The following SYNPR variants were observed in gnomAD, a reference collection of about 807,000 sequenced individuals.
SYNPR encodes the protein synaptoporin.
SYNPR carries 23 observed loss-of-function variants against 32.9 expected under a neutral mutation model. The observed-to-expected ratio is 0.70, with a 90% CI of 0.50 to 0.99. SYNPR has a LOEUF of 0.99. Ranked by LOEUF, SYNPR falls within the 50% of genes least tolerant of loss-of-function variation. The pLI, the probability that SYNPR is intolerant of heterozygous loss-of-function variation, is 0.00. For missense variants in SYNPR, 318 were observed against 349.3 expected, an observed-to-expected ratio of 0.91 and a Z score of 0.71; for synonymous variants, 146 against 135.9, an observed-to-expected ratio of 1.07 and a Z score of -0.52.
At chr3:63,255,003 C>T (rs2086369834) in intron 2 of SYNPR, among the ~76,000 whole-genome samples, 2 of 152,092 alleles carry the variant, frequency 1.3e-5, no homozygotes, top group Admixed American at 1.3e-4. Context: ...TGATCTTGGA[C>T]TTGCAGCCTT....
chr3:63,408,194 G>GAAAGAGGA (rs1553876891), intron 2 of SYNPR, among the ~76,000 whole-genome samples: 1 of 50,144 alleles, frequency 2.0e-5, no homozygotes, highest in Non-Finnish European at 3.5e-5. Context: ...AAGAAAGAAA[G>GAAAGAGGA]AGGAAGGAAG....
intron 2 of SYNPR, among the ~76,000 whole-genome samples, chr3:63,441,554 TC>T (rs1382263713): frequency 6.6e-6 from 1 of 152,202 alleles, no homozygotes; most frequent in African/African-American, 2.4e-5. Context: ...TACTGAGTGC[TC>T]ACTTAAATGC....
At chr3:63,563,908 T>TA (rs1483013619) in intron 4 of SYNPR, among the ~76,000 whole-genome samples, 6 of 143,998 alleles carry the variant, frequency 4.2e-5, no homozygotes, top group African/African-American at 1.5e-4. Flanking sequence ...AAAATAAAAA[T>TA]AAAAACAAAT....
At chr3:63,386,737 G>C (rs2088051569) in intron 2 of SYNPR, among the ~76,000 whole-genome samples, 1 of 152,076 alleles carries the variant, frequency 6.6e-6, no homozygotes, top group Non-Finnish European at 1.5e-5. Flanking sequence ...GGGAGGAGCT[G>C]TGCCTCCAGC....
At chr3:63,298,923 A>C (rs1242854430) in intron 2 of SYNPR, among the ~76,000 whole-genome samples, 4 of 152,104 alleles carry the variant, frequency 2.6e-5, no homozygotes, top group Non-Finnish European at 1.5e-5. Context: ...GGAAAATGTA[A>C]TTTTCAGTTG....
intron 2 of SYNPR, among the ~76,000 whole-genome samples, chr3:63,304,969 G>C (rs2086896398): frequency 6.6e-6 from 1 of 151,930 alleles, no homozygotes; most frequent in African/African-American, 2.4e-5. Context: ...GTTATATTCT[G>C]TCGGAGCCTC....
chr3:63,355,636 TC>T (rs1195448635), intron 2 of SYNPR, among the ~76,000 whole-genome samples: 3 of 152,184 alleles, frequency 2.0e-5, no homozygotes, highest in Non-Finnish European at 4.4e-5. Context: ...GATGCACCGG[TC>T]CCTGCTTTCG....
chr3:63,475,074 TGCAA>T (rs1700874835), intron 2 of SYNPR, among the ~76,000 whole-genome samples: 8 of 152,200 alleles, frequency 5.3e-5, no homozygotes, highest in Admixed American at 1.3e-4. Flanking sequence ...TGTCACTAAC[TGCAA>T]AGATATCGTT....
chr3:63,433,060 A>C (rs1298199891), intron 2 of SYNPR, among the ~76,000 whole-genome samples: 2 of 152,214 alleles, frequency 1.3e-5, no homozygotes, highest in Non-Finnish European at 2.9e-5. Context: ...CCACATTGCT[A>C]TGTGGCTTTG....
At position 63,434,968 on chromosome 3, in the gene SYNPR, C is replaced by T. The variant is rs139720167; in HGVS notation, c.85-45864C>T. On this transcript the variant is annotated intron_variant, in intron 2 of 5. Coordinates refer to ENST00000478300, the MANE Select transcript of SYNPR (RefSeq NM_001130003.2). The stretch of plus-strand genomic sequence containing the variant: ...CAGAAAGAGTGAATCTACTGCTCAG[C>T]AGTTTATGGTGGGACCACTTTTAAT... 6.5e-4 allele frequency among the ~76,000 whole-genome samples: 99 copies of T among 152,306 alleles called. 1 individual carries two copies. The highest frequency in any genetic ancestry group is 1.9e-3 in the African/African-American group (80 of 41,560).
At chr3:63,427,718 G>C (rs1313183400) in intron 2 of SYNPR, 2 of 152,242 alleles carry the variant, frequency 1.3e-5, no homozygotes, top group Admixed American at 1.3e-4. Flanking sequence ...GGAGCTCAGA[G>C]CATACAGAGA....
At chr3:63,433,427 A>G (rs1700025879) in intron 2 of SYNPR, among the ~76,000 whole-genome samples, 1 of 152,206 alleles carries the variant, frequency 6.6e-6, no homozygotes. Context: ...TGAAGAAAGA[A>G]AACTGGTTTT....
chr3:63,506,633 A>G (rs1482036190), intron 3 of SYNPR, among the ~76,000 whole-genome samples: 1 of 152,174 alleles, frequency 6.6e-6, no homozygotes, highest in Non-Finnish European at 1.5e-5. Flanking sequence ...GCATTTCCCA[A>G]ACTCATTTGA....
chr3:63,406,436 CT>C (rs919993800), intron 2 of SYNPR, among the ~76,000 whole-genome samples: 10 of 151,748 alleles, frequency 6.6e-5, no homozygotes, highest in African/African-American at 2.4e-4. Flanking sequence ...TATTTTTAAT[CT>C]TCCAAGGACT....
At chr3:63,219,992 CT>C in the SYNPR span, among the ~76,000 whole-genome samples, 2 of 152,216 alleles carry the variant, frequency 1.3e-5, no homozygotes, top group Admixed American at 6.5e-5. Context: ...AGCCACCTTT[CT>C]GCTTTGTGTC....
At chr3:63,352,144 T>C (rs922791664) in intron 2 of SYNPR, among the ~76,000 whole-genome samples, 4 of 152,008 alleles carry the variant, frequency 2.6e-5, no homozygotes, top group Non-Finnish European at 5.9e-5. Context: ...TGGGGTGTGG[T>C]GTGCACTGAG....
At chr3:63,540,572 G>C (rs1039626004) in intron 3 of SYNPR, among the ~76,000 whole-genome samples, 1 of 152,038 alleles carries the variant, frequency 6.6e-6, no homozygotes, top group Non-Finnish European at 1.5e-5. Context: ...GAAGGAAAAA[G>C]AGGGAAGGGG....
At chr3:63,563,884 T>C (rs1471765111) in intron 4 of SYNPR, among the ~76,000 whole-genome samples, 1 of 148,676 alleles carries the variant, frequency 6.7e-6, no homozygotes, top group Non-Finnish European at 1.5e-5. Flanking sequence ...TCATAAAGTA[T>C]AATAAAAAAA....
the SYNPR span, among the ~76,000 whole-genome samples, chr3:63,222,297 A>T: frequency 6.6e-6 from 1 of 152,112 alleles, no homozygotes; most frequent in African/African-American, 2.4e-5. Flanking sequence ...ATAGAATCAT[A>T]TGAAAATTTA....
Sources: gnomAD v4.1 joint callset for allele counts (sites outside exome capture counted in the v4.1 genomes callset) on GRCh38, gnomAD v4.1.1 for gene constraint, MANE v1.5 for transcripts, NCBI Gene and HGNC (gene_info 2026-07-23, HGNC 2026-07-21) for gene names.